Variants in PLPPR1 observed in about 807,000 individuals in gnomAD.
The protein encoded by PLPPR1 is phospholipid phosphatase related 1.
A neutral mutation model predicts 33.1 loss-of-function variants in PLPPR1; 10 were observed. The observed-to-expected ratio is 0.30, with a 90% CI of 0.19 to 0.51. The LOEUF (loss-of-function observed/expected upper bound fraction) is 0.51, where lower values mean the gene tolerates loss of function less well. Ranked by LOEUF, PLPPR1 falls within the 20% of genes least tolerant of loss-of-function variation. The probability of loss-of-function intolerance (pLI) is 0.97; values close to 1 mark genes in which losing one functional copy is unlikely to be tolerated. For synonymous variants in PLPPR1, 151 were observed against 151.0 expected (o/e 1.00, Z 0.00); for missense variants, 304 against 408.1 (o/e 0.74, Z 2.20).
intron 1 of PLPPR1, among the ~76,000 whole-genome samples, chr9:101,086,921 A>G (rs992529031): frequency 6.6e-6 from 1 of 152,176 alleles, no homozygotes; most frequent in African/African-American, 2.4e-5. Context: ...ACTCAGGCCT[A>G]TAATCCTAAC....
chr9:101,029,910 A>G (rs1384064907), intron 1 of PLPPR1, among the ~76,000 whole-genome samples: 1 of 152,098 alleles, frequency 6.6e-6, no homozygotes, highest in Admixed American at 6.5e-5. Context: ...TCCTCTCCCA[A>G]CCCATTTCCC....
chr9:101,269,304 A>AAGTT (rs983095637), intron 2 of PLPPR1, among the ~76,000 whole-genome samples: 1 of 152,192 alleles, frequency 6.6e-6, no homozygotes, highest in African/African-American at 2.4e-5. Flanking sequence ...AAAAAGATAA[A>AAGTT]AGTTATGACT....
At chr9:101,267,317 A>C (rs1159607598) in intron 2 of PLPPR1, among the ~76,000 whole-genome samples, 1 of 152,206 alleles carries the variant, frequency 6.6e-6, no homozygotes, top group Non-Finnish European at 1.5e-5. Flanking sequence ...GCTTTGGAGT[A>C]TCTCTCTCAA....
At chr9:101,239,445 C>T (rs1334381124) in intron 2 of PLPPR1, among the ~76,000 whole-genome samples, 1 of 151,764 alleles carries the variant, frequency 6.6e-6, no homozygotes, top group Non-Finnish European at 1.5e-5. Flanking sequence ...AATTCATACC[C>T]CAAATCTCAG....
At chr9:101,167,473 G>T (rs2118683766) in intron 1 of PLPPR1, among the ~76,000 whole-genome samples, 1 of 151,580 alleles carries the variant, frequency 6.6e-6, no homozygotes, top group South Asian at 2.1e-4. Flanking sequence ...TAGTCTCTCA[G>T]GGCATTTCCT....
intron 1 of PLPPR1, among the ~76,000 whole-genome samples, chr9:101,089,560 C>T (rs1192023414): frequency 6.6e-6 from 1 of 152,050 alleles, no homozygotes; most frequent in Non-Finnish European, 1.5e-5. Flanking sequence ...CCAAATGTAA[C>T]CTGCTTTTCC....
At chr9:101,237,906 A>G (rs2118837705) in intron 2 of PLPPR1, among the ~76,000 whole-genome samples, 1 of 129,450 alleles carries the variant, frequency 7.7e-6, no homozygotes, top group South Asian at 2.5e-4. Flanking sequence ...CTCTGATTTA[A>G]GGCTATTTGG....
At chr9:101,108,121 C>T (rs566520954) in intron 1 of PLPPR1, among the ~76,000 whole-genome samples, 15 of 146,906 alleles carry the variant, frequency 1.0e-4, no homozygotes, top group Non-Finnish European at 2.1e-4. Context: ...GCGTCGCTCA[C>T]GCTGGGAGCT....
In PLPPR1 at chr9:101,032,008, GAGA is replaced by G. The variant is rs553192715; in HGVS notation, c.-46+2907_-46+2909del. On this transcript the variant is annotated intron_variant, in intron 1 of 7. Transcript: ENST00000374874. ...GTAAGAAGATCAAGAAGGTTTCTCAGAGAGCTTGACATTAGCTGAGTCTTGAAC... is the reference window on the plus strand; with the variant it reads ...GTAAGAAGATCAAGAAGGTTTCTCAGGCTTGACATTAGCTGAGTCTTGAAC... Among the ~76,000 whole-genome samples, 4 of 152,300 alleles carry G rather than the reference GAGA, an allele frequency of 2.6e-5. No individual in the cohort carries two copies. The South Asian group carries it at 8.3e-4, about 32-fold the overall frequency.
chr9:101,129,498 C>T (rs1831289709), intron 1 of PLPPR1, among the ~76,000 whole-genome samples: 1 of 152,104 alleles, frequency 6.6e-6, no homozygotes, highest in South Asian at 2.1e-4. Context: ...AATGGATAAG[C>T]AATTCTGGTA....
At chr9:101,106,564 C>T (rs1024621319) in intron 1 of PLPPR1, among the ~76,000 whole-genome samples, 1 of 89,680 alleles carries the variant, frequency 1.1e-5, no homozygotes, top group African/African-American at 5.4e-5. Flanking sequence ...CGACCTTTCT[C>T]TCTGGCTGCC....
At position 101,029,063 on chromosome 9, in the gene PLPPR1, G is replaced by C. The variant is rs1199437775; in HGVS notation, c.-85G>C. 2 of 152,586 alleles carry C rather than the reference G, an allele frequency of 1.3e-5. No individual in the cohort carries two copies. Among genetic ancestry groups the C allele is most frequent in the Admixed American group, 6.5e-5 (1 of 15,288 alleles). 9.5% of individuals were successfully genotyped at this position (152,586 alleles called of 1,614,324 possible). On this transcript the variant is annotated 5_prime_UTR_variant, in exon 1 of 8. Coordinates refer to ENST00000374874, the MANE Select transcript of PLPPR1 (RefSeq NM_207299.2). ...TGTACCTCGCTCCCGGGAGCCGGACGGCCCAGTAGGGCGCACTGGAGGACG... is the reference window on the plus strand; with the variant it reads ...TGTACCTCGCTCCCGGGAGCCGGACCGCCCAGTAGGGCGCACTGGAGGACG...
chr9:101,306,519 C>A (rs915942573), intron 4 of PLPPR1, among the ~76,000 whole-genome samples: 2 of 152,180 alleles, frequency 1.3e-5, no homozygotes, highest in Non-Finnish European at 1.5e-5. Flanking sequence ...CTGAACACAG[C>A]CACAGCAATC....
At chr9:101,323,800 T>C (rs895320489) in intron 7 of PLPPR1, among the ~76,000 whole-genome samples, 2 of 151,356 alleles carry the variant, frequency 1.3e-5, no homozygotes, top group African/African-American at 4.9e-5. Context: ...GATTGCACCA[T>C]TGCACTCCAG....
chr9:101,042,457 A>G (rs1190719836), intron 1 of PLPPR1, among the ~76,000 whole-genome samples: 3 of 152,232 alleles, frequency 2.0e-5, no homozygotes, highest in South Asian at 4.1e-4. Context: ...TGCCTGGCCT[A>G]CCAGATCTTC....
chr9:101,180,992 G>A lies in PLPPR1; in HGVS notation c.-45-4458G>A, dbSNP rs1213678083. ...TTTTCAAACATACATCTGATGAGGG[G>A]CTAATATTTAAAATATATGAAGAAC... On this transcript the variant is annotated intron_variant, in intron 1 of 7. Transcript: ENST00000374874. 2.0e-5 allele frequency among the ~76,000 whole-genome samples: 3 copies of A among 151,254 alleles called. No individual in the cohort carries two copies. In the South Asian group the frequency reaches 6.2e-4, roughly 31 times the overall value.
intron 2 of PLPPR1, among the ~76,000 whole-genome samples, chr9:101,234,162 C>G (rs144577225): frequency 6.6e-6 from 1 of 151,968 alleles, no homozygotes; most frequent in Non-Finnish European, 1.5e-5. Flanking sequence ...CTCTGTCATT[C>G]AAGTTCTTAT....
chr9:101,087,115 T>C lies in PLPPR1; in HGVS notation c.-46+58013T>C, dbSNP rs1373242568. On this transcript the variant is annotated intron_variant, in intron 1 of 7. Transcript: ENST00000374874. ...ATCACCTGGATCCAGGAGGTAGAGGTTGCAGTGAGCCAAGACTGCGCCACT... is the reference window on the plus strand; with the variant it reads ...ATCACCTGGATCCAGGAGGTAGAGGCTGCAGTGAGCCAAGACTGCGCCACT... Among the ~76,000 whole-genome samples, 7 of 151,770 alleles carry C rather than the reference T, an allele frequency of 4.6e-5. No individual in the cohort carries two copies. The East Asian group carries it at 1.4e-3, about 29-fold the overall frequency.
intron 1 of PLPPR1, among the ~76,000 whole-genome samples, chr9:101,118,645 G>T (rs1588035647): frequency 6.6e-6 from 1 of 152,176 alleles, no homozygotes; most frequent in Non-Finnish European, 1.5e-5. Context: ...TTTAGATCAT[G>T]CTAAGGGGTT....
Sources: gnomAD v4.1 joint callset for allele counts (sites outside exome capture counted in the v4.1 genomes callset) on GRCh38, gnomAD v4.1.1 for gene constraint, MANE v1.5 for transcripts, NCBI Gene and HGNC (gene_info 2026-07-23, HGNC 2026-07-21) for gene names.